Variants in TFEC observed in about 807,000 individuals in gnomAD.
TFEC encodes class E basic helix-loop-helix protein 34.
Under a neutral mutation model 41.6 loss-of-function variants are expected in TFEC, and 31 were observed. The observed-to-expected ratio is 0.74, with a 90% CI of 0.56 to 1.01. TFEC has a LOEUF of 1.01. Among genes scored for constraint, TFEC ranks in the 50% least tolerant of loss-of-function variants. The probability of loss-of-function intolerance (pLI) is 0.00; values close to 1 mark genes in which losing one functional copy is unlikely to be tolerated. For synonymous variants in TFEC, 143 were observed against 140.6 expected (o/e 1.02, Z -0.12); for missense variants, 402 against 404.1 (o/e 0.99, Z 0.04).
intron 2 of TFEC, among the ~76,000 whole-genome samples, chr7:115,981,602 T>C (rs931276051): frequency 3.3e-5 from 5 of 152,078 alleles, no homozygotes; most frequent in Non-Finnish European, 5.9e-5. Context: ...GACTAAAAGA[T>C]AAGAAAAAGA....
chr7:115,990,612 CAAGT>C (rs1422438853), intron 1 of TFEC, among the ~76,000 whole-genome samples: 2 of 151,762 alleles, frequency 1.3e-5, no homozygotes, highest in Non-Finnish European at 2.9e-5. Flanking sequence ...CTGATTTGAT[CAAGT>C]GGAAGAAAGG....
intron 1 of TFEC, among the ~76,000 whole-genome samples, chr7:115,990,843 A>G (rs1794075617): frequency 6.6e-6 from 1 of 152,202 alleles, no homozygotes; most frequent in Non-Finnish European, 1.5e-5. Context: ...CCAATCTAGC[A>G]AGGCAGGCCA....
chr7:115,941,840 A>T (rs770435103), intron 7 of TFEC, 53 bp downstream of exon 7: 1 of 1,500,838 alleles, frequency 6.7e-7, no homozygotes, highest in Non-Finnish European at 8.9e-7. Context: ...AAAACTGATG[A>T]CAGCTGAGTC....
In TFEC at chr7:115,939,439, T is replaced by C. The variant is rs1187509864; in HGVS notation, c.*1112A>G. On this transcript the variant is annotated 3_prime_UTR_variant, in exon 8 of 8. Transcript: ENST00000265440. ...GATCATAGGACACTCTAAGTGTTTA[T>C]AGAAATAGAACCTTACGTTCCTCTC... is the stretch of plus-strand genomic sequence containing the variant. The C allele has an allele frequency of 1.3e-5, 2 of 152,070 alleles. No homozygotes were observed. Among genetic ancestry groups the C allele is most frequent in the Non-Finnish European group, 2.9e-5 (2 of 67,962 alleles). The allele number at this position is 152,070 out of a possible 1,614,324, so 9.4% of individuals were successfully genotyped here. A position where few individuals can be genotyped will look rare whatever the true frequency, so the allele number is the denominator to read the frequency against.
At chr7:116,089,543 A>G (rs1797276383) in intron 3 of TFEC, among the ~76,000 whole-genome samples, 1 of 152,160 alleles carries the variant, frequency 6.6e-6, no homozygotes. Flanking sequence ...TGGGAATTCA[A>G]TCATGAAATA....
chr7:116,087,435 A>G (rs192972305), intron 3 of TFEC, among the ~76,000 whole-genome samples: 16 of 152,162 alleles, frequency 1.1e-4, no homozygotes, highest in Admixed American at 5.2e-4. Context: ...TATTATGTCT[A>G]TTCTACTCTC....
intron 3 of TFEC, among the ~76,000 whole-genome samples, chr7:115,972,485 C>T (rs1272795885): frequency 1.3e-5 from 2 of 152,098 alleles, no homozygotes; most frequent in Non-Finnish European, 2.9e-5. Flanking sequence ...TCAGGTACAA[C>T]TCATTGTGCT....
chr7:115,997,297 C>G (rs1166742493), intron 1 of TFEC, among the ~76,000 whole-genome samples: 2 of 151,948 alleles, frequency 1.3e-5, no homozygotes, highest in East Asian at 1.9e-4. Flanking sequence ...CCGTGCCAGA[C>G]AACACAGAGA....
chr7:116,153,212 G>T (rs1313368459), intron 1 of TFEC, among the ~76,000 whole-genome samples: 2 of 152,026 alleles, frequency 1.3e-5, no homozygotes, highest in African/African-American at 2.4e-5. Flanking sequence ...AGCAAATTAG[G>T]TTAGGCAGTG....
intron 1 of TFEC, among the ~76,000 whole-genome samples, chr7:116,013,299 G>C (rs1474465719): frequency 6.6e-6 from 1 of 152,060 alleles, no homozygotes; most frequent in Non-Finnish European, 1.5e-5. Context: ...GTGCTTCTGT[G>C]TAGGAAAGGT....
chr7:116,105,715 A>G (rs1414254281), intron 3 of TFEC, among the ~76,000 whole-genome samples: 1 of 152,212 alleles, frequency 6.6e-6, no homozygotes, highest in Non-Finnish European at 1.5e-5. Context: ...CATCCAGGTC[A>G]GAGGACATAA....
At chr7:116,105,177 A>C (rs1306613303) in intron 3 of TFEC, among the ~76,000 whole-genome samples, 2 of 151,966 alleles carry the variant, frequency 1.3e-5, no homozygotes, top group Non-Finnish European at 2.9e-5. Flanking sequence ...TGTTTTCTCC[A>C]AAAAAAATTA....
chr7:116,005,871 T>G (rs1192084063), intron 1 of TFEC, among the ~76,000 whole-genome samples: 1 of 152,166 alleles, frequency 6.6e-6, no homozygotes, highest in Non-Finnish European at 1.5e-5. Flanking sequence ...GTATGCAACC[T>G]AGAAATTTGG....
chr7:116,135,486 A>C (rs1021183674), intron 1 of TFEC, among the ~76,000 whole-genome samples: 2 of 152,152 alleles, frequency 1.3e-5, no homozygotes, highest in Admixed American at 1.3e-4. Flanking sequence ...CCTCATTAAA[A>C]CGTTCCCAAA....
At chr7:115,984,656 A>G (rs1159536424) in intron 1 of TFEC, 143 bp from the exon 2 acceptor site, 9 of 948,530 alleles carry the variant, frequency 9.5e-6, no homozygotes, top group Non-Finnish European at 1.3e-5. Flanking sequence ...TACTTCTGTC[A>G]TAAGTTACAT....
intron 3 of TFEC, among the ~76,000 whole-genome samples, chr7:115,959,896 G>T (rs1205665039): frequency 6.6e-6 from 1 of 151,370 alleles, no homozygotes; most frequent in Non-Finnish European, 1.5e-5. Context: ...GATAACAGGA[G>T]TTTCGAAAAG....
intron 1 of TFEC, among the ~76,000 whole-genome samples, chr7:116,126,739 T>A (rs374381675): frequency 2.6e-4 from 39 of 152,126 alleles, no homozygotes; most frequent in African/African-American, 9.4e-4. Flanking sequence ...CACCACTGAA[T>A]GATATACCCC....
At chr7:116,127,558 C>T (rs1169177262) in intron 1 of TFEC, among the ~76,000 whole-genome samples, 1 of 151,886 alleles carries the variant, frequency 6.6e-6, no homozygotes, top group African/African-American at 2.4e-5. Context: ...TAACAAATCC[C>T]TATTTGTTCT....
chr7:116,021,842 C>T (rs1795407829), intron 1 of TFEC, among the ~76,000 whole-genome samples: 1 of 152,102 alleles, frequency 6.6e-6, no homozygotes, highest in East Asian at 1.9e-4. Flanking sequence ...TTTAGCTCTT[C>T]CTGTTTTAGT....
Sources: allele counts gnomAD v4.1 joint callset (sites outside exome capture counted in the v4.1 genomes callset), GRCh38; gene constraint gnomAD v4.1.1; transcripts MANE v1.5; gene names NCBI Gene and HGNC (gene_info 2026-07-23, HGNC 2026-07-21).